The following FARS2 variants were observed in gnomAD, a reference collection of about 807,000 sequenced individuals.
The protein encoded by FARS2 is phenylalanine--tRNA ligase, mitochondrial.
FARS2 carries 40 observed loss-of-function variants against 46.4 expected under a neutral mutation model. The observed-to-expected ratio is 0.86, with a 90% CI of 0.67 to 1.12. The LOEUF is 1.12. FARS2 is among the 50% of genes most tolerant of loss of function. FARS2 has a pLI of 0.00. For missense variants in FARS2, 513 were observed against 567.9 expected (o/e 0.90, Z 0.98); for synonymous variants, 234 against 214.9 (o/e 1.09, Z -0.78).
intron 6 of FARS2, among the ~76,000 whole-genome samples, chr6:5,751,109 T>C (rs1222784346): frequency 2.0e-5 from 3 of 152,178 alleles, no homozygotes; most frequent in Non-Finnish European, 4.4e-5. Flanking sequence ...AAACTCAGTC[T>C]TACAGATGAT....
At chr6:5,671,697 C>G (rs1293119903) in intron 6 of FARS2, among the ~76,000 whole-genome samples, 2 of 152,184 alleles carry the variant, frequency 1.3e-5, no homozygotes, top group East Asian at 1.9e-4. Flanking sequence ...GATGGTTTAA[C>G]CTTTAAAGAT....
At chr6:5,615,543 T>C (rs1330711163) in intron 6 of FARS2, among the ~76,000 whole-genome samples, 1 of 152,238 alleles carries the variant, frequency 6.6e-6, no homozygotes, top group East Asian at 1.9e-4. Flanking sequence ...ATTTTAAAAA[T>C]TGATTGTAAA....
At chr6:5,531,742 G>A (rs536441936) in intron 4 of FARS2, among the ~76,000 whole-genome samples, 3 of 152,296 alleles carry the variant, frequency 2.0e-5, no homozygotes, top group East Asian at 1.9e-4. Flanking sequence ...TCAATCATCC[G>A]GTGGCGAGTC....
At chr6:5,289,685 A>G (rs1767369236) in intron 1 of FARS2, among the ~76,000 whole-genome samples, 1 of 152,136 alleles carries the variant, frequency 6.6e-6, no homozygotes, top group East Asian at 1.9e-4. Flanking sequence ...AAGTGAAGTT[A>G]CAAGGTTATA....
chr6:5,541,497 T>C (rs1231562804), intron 4 of FARS2, among the ~76,000 whole-genome samples: 1 of 152,234 alleles, frequency 6.6e-6, no homozygotes. Flanking sequence ...CTCTATAGTT[T>C]CGCCTTGTCT....
At chr6:5,463,304 C>T (rs968906836) in intron 4 of FARS2, among the ~76,000 whole-genome samples, 1 of 152,150 alleles carries the variant, frequency 6.6e-6, no homozygotes, top group Non-Finnish European at 1.5e-5. Context: ...TTTCATATGA[C>T]GATCTTGTAT....
chr6:5,675,028 T>C (rs1778685627), intron 6 of FARS2, among the ~76,000 whole-genome samples: 1 of 152,210 alleles, frequency 6.6e-6, no homozygotes, highest in Admixed American at 6.5e-5. Context: ...TCCCAATTAC[T>C]ATGGGGAATT....
intron 5 of FARS2, among the ~76,000 whole-genome samples, chr6:5,565,398 A>G (rs545230229): frequency 1.3e-5 from 2 of 152,310 alleles, no homozygotes; most frequent in African/African-American, 4.8e-5. Context: ...CTTTAAAGCT[A>G]TTAAAAACCT....
At chr6:5,660,766 G>C (rs1777816084) in intron 6 of FARS2, among the ~76,000 whole-genome samples, 1 of 152,178 alleles carries the variant, frequency 6.6e-6, no homozygotes, top group Non-Finnish European at 1.5e-5. Context: ...CTCCCTGGCA[G>C]GAAAAGAAAT....
At chr6:5,521,113 T>C (rs908781195) in intron 4 of FARS2, among the ~76,000 whole-genome samples, 1 of 116,924 alleles carries the variant, frequency 8.6e-6, no homozygotes, top group Non-Finnish European at 1.9e-5. Context: ...TTTTAAATTA[T>C]TTTTTTTATT....
chr6:5,368,458 G>T, intron 1 of FARS2, 92 bp from the exon 2 acceptor site: 1 of 1,141,348 alleles, frequency 8.8e-7, no homozygotes, highest in Non-Finnish European at 1.3e-6. Flanking sequence ...CATGCCAGTA[G>T]GACAAGAGGG....
chr6:5,724,623 C>T (rs972948884), intron 6 of FARS2, among the ~76,000 whole-genome samples: 6 of 152,178 alleles, frequency 3.9e-5, no homozygotes, highest in South Asian at 2.1e-4. Context: ...TGGTGCTCTA[C>T]GGGGGCCAGC....
intron 4 of FARS2, chr6:5,431,757 T>G: frequency 1.2e-5 from 6 of 513,262 alleles, no homozygotes; most frequent in South Asian, 8.8e-5. Context: ...AAGATCTGTC[T>G]GGCTCTTTTC....
chr6:5,501,793 C>G (rs1767816845), intron 4 of FARS2, among the ~76,000 whole-genome samples: 2 of 152,200 alleles, frequency 1.3e-5, no homozygotes, highest in South Asian at 2.1e-4. Context: ...CCACGCCCAG[C>G]TGGTTTCTCA....
intron 5 of FARS2, among the ~76,000 whole-genome samples, chr6:5,551,265 A>AGCCC (rs1771358344): frequency 6.6e-6 from 1 of 152,128 alleles, no homozygotes; most frequent in Admixed American, 6.5e-5. Flanking sequence ...ACCTTCCACT[A>AGCCC]ACATGTTCCT....
At chr6:5,711,524 T>C (rs774481700) in intron 6 of FARS2, among the ~76,000 whole-genome samples, 5 of 152,112 alleles carry the variant, frequency 3.3e-5, no homozygotes, top group Admixed American at 2.6e-4. Flanking sequence ...AAGGCCAACG[T>C]CAAGAGTGAA....
intron 6 of FARS2, among the ~76,000 whole-genome samples, chr6:5,706,257 C>A (rs1160079370): frequency 6.6e-6 from 1 of 152,244 alleles, no homozygotes; most frequent in Non-Finnish European, 1.5e-5. Flanking sequence ...CCAACCCTCA[C>A]TTCCTGCCAC....
At chr6:5,598,685 T>C (rs1476901939) in intron 5 of FARS2, among the ~76,000 whole-genome samples, 2 of 152,144 alleles carry the variant, frequency 1.3e-5, no homozygotes, top group African/African-American at 2.4e-5. Flanking sequence ...GTTAATTCTT[T>C]AGCACTATGG....
chr6:5,527,221 G>T lies in FARS2; in HGVS notation c.905-17959G>T, dbSNP rs1301366523. 2.0e-5 allele frequency among the ~76,000 whole-genome samples: 3 copies of T among 152,314 alleles called. No individual in the cohort carries two copies. In the East Asian group the frequency reaches 5.8e-4, roughly 29 times the overall value. On this transcript the variant is annotated intron_variant, in intron 4 of 6. Transcript: ENST00000274680. The stretch of plus-strand genomic sequence containing the variant: ...GGAACTGACCCTGTAAGTCTATTTT[G>T]TGAGTGGAATCACAGCAATAAAGTC...
Sources: allele counts gnomAD v4.1 joint callset (sites outside exome capture counted in the v4.1 genomes callset), GRCh38; gene constraint gnomAD v4.1.1; transcripts MANE v1.5; gene names NCBI Gene and HGNC (gene_info 2026-07-23, HGNC 2026-07-21).